The following GARIN4 variants were observed in gnomAD, a reference collection of about 807,000 sequenced individuals.
GARIN4 encodes Golgi-associated RAB2 interactor protein 4.
At chr1:212,624,966 G>T in the GARIN4 span, 1 of 1,614,150 alleles carries the variant, frequency 6.2e-7, no homozygotes. Context: ...AAACTGCAGC[G>T]ACAACTGTAC....
chr1:212,625,212 C>A, the GARIN4 span: 413 of 1,614,022 alleles, frequency 2.6e-4, 1 homozygote, highest in Non-Finnish European at 2.8e-4. Context: ...AAACGCAAGG[C>A]AGCAAAGAAC....
At chr1:212,626,359 C>A in the GARIN4 span, 1 of 1,614,180 alleles carries the variant, frequency 6.2e-7, no homozygotes, top group Middle Eastern at 1.6e-4. Flanking sequence ...AAGGTGTCAG[C>A]CACACGCCCA....
chr1:212,625,393 C>G, the GARIN4 span: 1 of 1,614,208 alleles, frequency 6.2e-7, no homozygotes. Flanking sequence ...AACTAATTTA[C>G]CTCTTGCGGC....
the GARIN4 span, chr1:212,626,738 C>A: frequency 1.3e-6 from 2 of 1,511,706 alleles, no homozygotes; most frequent in Non-Finnish European, 1.8e-6. Context: ...TTCCAGCGTT[C>A]TTTACTGCCG....
At chr1:212,624,866 T>C in the GARIN4 span, 1 of 1,564,678 alleles carries the variant, frequency 6.4e-7, no homozygotes, top group Non-Finnish European at 8.7e-7. Context: ...GCCGTTGTGC[T>C]GAAAGACAAC....
the GARIN4 span, chr1:212,624,929 A>G: frequency 4.4e-5 from 71 of 1,613,508 alleles, no homozygotes; most frequent in Non-Finnish European, 5.8e-5. Context: ...TGGCTCCAGC[A>G]TGAGCATGTT....
the GARIN4 span, chr1:212,624,839 C>T: frequency 1.3e-6 from 2 of 1,513,280 alleles, no homozygotes; most frequent in Non-Finnish European, 1.8e-6. Flanking sequence ...GACCCAGAGA[C>T]CTGCCTCACC....
the GARIN4 span, chr1:212,626,019 C>T: frequency 6.2e-6 from 10 of 1,614,104 alleles, no homozygotes; most frequent in African/African-American, 1.2e-4. Context: ...ACCAGCAGGA[C>T]AGCTGCAGAA....
At chr1:212,624,525 A>C in the GARIN4 span, 9 of 172,844 alleles carry the variant, frequency 5.2e-5, no homozygotes, top group Admixed American at 1.7e-4. Flanking sequence ...AGTCTCTCTC[A>C]GGGAGAGAGA....
At chr1:212,626,704 A>T in the GARIN4 span, 2 of 1,538,024 alleles carry the variant, frequency 1.3e-6, no homozygotes, top group Non-Finnish European at 1.7e-6. Context: ...CCCAGAGCTC[A>T]TGGGAGTGTC....
chr1:212,625,393 C>T, the GARIN4 span: 19 of 1,614,090 alleles, frequency 1.2e-5, no homozygotes, highest in South Asian at 2.1e-4. Flanking sequence ...AACTAATTTA[C>T]CTCTTGCGGC....
chr1:212,626,142 A>T, the GARIN4 span: 25 of 1,614,146 alleles, frequency 1.5e-5, no homozygotes, highest in East Asian at 3.8e-4. Flanking sequence ...GGCTGCAAGG[A>T]GGGGAGGGAA....
the GARIN4 span, chr1:212,625,125 C>G: frequency 6.2e-7 from 1 of 1,614,162 alleles, no homozygotes; most frequent in South Asian, 1.1e-5. Flanking sequence ...CTCCCACTCC[C>G]AGATGTCATG....
At chr1:212,626,253 C>T in the GARIN4 span, 3 of 1,614,178 alleles carry the variant, frequency 1.9e-6, no homozygotes, top group Non-Finnish European at 2.5e-6. Flanking sequence ...CAAAAGTCCT[C>T]CAGCAGGTCC....
At chr1:212,626,193 G>A in the GARIN4 span, 29,163 of 1,614,078 alleles carry the variant, frequency 0.018, 306 homozygotes, top group Non-Finnish European at 0.021. Flanking sequence ...AGTTCCCATC[G>A]CCGCAGGACA....
the GARIN4 span, chr1:212,626,300 G>A: frequency 6.2e-7 from 1 of 1,612,750 alleles, no homozygotes; most frequent in Non-Finnish European, 8.5e-7. Context: ...TGACAAAAAG[G>A]AGAAAGGCTG....
the GARIN4 span, chr1:212,624,744 G>A: frequency 7.0e-7 from 1 of 1,423,866 alleles, no homozygotes; most frequent in South Asian, 1.5e-5. Flanking sequence ...CTGTGGGGTG[G>A]GGTGGGATTG....
At chr1:212,625,136 C>T in the GARIN4 span, 1 of 1,614,154 alleles carries the variant, frequency 6.2e-7, no homozygotes, top group Non-Finnish European at 8.5e-7. Flanking sequence ...AGATGTCATG[C>T]TACTGGCACG....
chr1:212,626,771 T>C, the GARIN4 span: 1 of 1,456,384 alleles, frequency 6.9e-7, no homozygotes, highest in South Asian at 1.4e-5. Flanking sequence ...ATCATACATC[T>C]GAAAGTGGCT....
Sources: allele counts gnomAD v4.1 joint callset, GRCh38; gene constraint gnomAD v4.1.1; transcripts MANE v1.5; gene names NCBI Gene and HGNC (gene_info 2026-07-23, HGNC 2026-07-21).